RANBP2: variants seen among roughly 807,000 people sequenced by gnomAD.
The protein encoded by RANBP2 is RAN binding protein 2, also known as E3 SUMO-protein ligase RanBP2.
A neutral mutation model predicts 303.6 loss-of-function variants in RANBP2; 57 were observed. The observed-to-expected ratio is 0.19, with a 90% CI of 0.15 to 0.23. RANBP2 has a LOEUF of 0.23. RANBP2 is among the 10% of genes least tolerant of loss of function. The pLI is 1.00. For missense variants in RANBP2, 3,138 were observed against 3,780.8 expected (o/e 0.83, Z 4.46); for synonymous variants, 1,167 against 1,301.5 (o/e 0.90, Z 2.23).
At chr2:109,603,074 A>C in the RANBP2 span, among the ~76,000 whole-genome samples, 10 of 151,792 alleles carry the variant, frequency 6.6e-5, no homozygotes, top group African/African-American at 2.4e-4. Context: ...CTGTCTCAAA[A>C]ACAAAACAAA....
chr2:109,612,897 G>A, the RANBP2 span, among the ~76,000 whole-genome samples: 1 of 152,214 alleles, frequency 6.6e-6, no homozygotes, highest in Non-Finnish European at 1.5e-5. Context: ...TAATCTCTCA[G>A]CCTGCAATCT....
the RANBP2 span, among the ~76,000 whole-genome samples, chr2:108,872,973 C>T: frequency 0.14 from 21,643 of 151,984 alleles, 2,642 homozygotes; most frequent in African/African-American, 0.33. Context: ...GAATCTTTTC[C>T]CTTTTTGCTT....
chr2:108,911,594 C>T, the RANBP2 span, among the ~76,000 whole-genome samples: 4 of 152,350 alleles, frequency 2.6e-5, no homozygotes, highest in Non-Finnish European at 1.5e-5. Flanking sequence ...TCCACCTGCA[C>T]TGCCGCCTCC....
the RANBP2 span, among the ~76,000 whole-genome samples, chr2:109,729,565 G>A: frequency 4.6e-5 from 7 of 152,194 alleles, no homozygotes; most frequent in South Asian, 2.1e-4. Context: ...CAGAAAAATC[G>A]CTTGAACCTG....
chr2:109,686,471 T>C, the RANBP2 span, among the ~76,000 whole-genome samples: 1 of 152,148 alleles, frequency 6.6e-6, no homozygotes, highest in Non-Finnish European at 1.5e-5. Flanking sequence ...CCCGCCACCA[T>C]GCCAGGCTAA....
chr2:109,452,495 G>A, the RANBP2 span, among the ~76,000 whole-genome samples: 43 of 152,258 alleles, frequency 2.8e-4, no homozygotes, highest in Middle Eastern at 3.4e-3. Flanking sequence ...GTTTCCTAGC[G>A]CTAGTGCTGC....
the RANBP2 span, among the ~76,000 whole-genome samples, chr2:108,981,002 G>A: frequency 1.3e-5 from 2 of 152,156 alleles, no homozygotes; most frequent in Non-Finnish European, 2.9e-5. Flanking sequence ...GCCAGGCAGA[G>A]GTTGAGCTGA....
chr2:109,439,759 C>T, the RANBP2 span, among the ~76,000 whole-genome samples: 1 of 152,070 alleles, frequency 6.6e-6, no homozygotes, highest in East Asian at 1.9e-4. Flanking sequence ...GAGCTAGATA[C>T]AGGCAAGGCA....
At chr2:109,659,813 C>A in the RANBP2 span, among the ~76,000 whole-genome samples, 1 of 152,336 alleles carries the variant, frequency 6.6e-6, no homozygotes, top group Non-Finnish European at 1.5e-5. Flanking sequence ...AGCAGCAAAG[C>A]AAATCTCCAG....
the RANBP2 span, among the ~76,000 whole-genome samples, chr2:109,069,256 T>A: frequency 0.23 from 35,771 of 152,220 alleles, 4,768 homozygotes; most frequent in Middle Eastern, 0.33. Context: ...AGTAGACTTC[T>A]AGCCATTCTC....
At chr2:108,814,900 T>G in the RANBP2 span, among the ~76,000 whole-genome samples, 2 of 152,048 alleles carry the variant, frequency 1.3e-5, no homozygotes, top group African/African-American at 4.8e-5. Flanking sequence ...CCTCCCAAAG[T>G]GCTGGGATTA....
chr2:109,449,159 C>G, the RANBP2 span: 1 of 1,611,946 alleles, frequency 6.2e-7, no homozygotes, highest in Non-Finnish European at 8.5e-7. Context: ...TCTCTCCAAC[C>G]CCGTCTCCAG....
chr2:109,714,669 TG>T, the RANBP2 span, among the ~76,000 whole-genome samples: 1 of 151,278 alleles, frequency 6.6e-6, no homozygotes, highest in Non-Finnish European at 1.5e-5. Flanking sequence ...TGGAGTGCAG[TG>T]GTGCCATTGG....
chr2:109,597,915 T>G, the RANBP2 span, among the ~76,000 whole-genome samples: 2 of 152,150 alleles, frequency 1.3e-5, no homozygotes. Flanking sequence ...ACAGATAAAC[T>G]TCTGATGCTT....
chr2:109,373,037 T>C, the RANBP2 span, among the ~76,000 whole-genome samples: 1 of 152,320 alleles, frequency 6.6e-6, no homozygotes, highest in African/African-American at 2.4e-5. Flanking sequence ...TCCTCAAATA[T>C]TCGGGACCAG....
At chr2:109,125,198 C>G in the RANBP2 span, among the ~76,000 whole-genome samples, 1 of 152,100 alleles carries the variant, frequency 6.6e-6, no homozygotes, top group Non-Finnish European at 1.5e-5. Context: ...GCTGAACTCT[C>G]GGTGCTTCCT....
the RANBP2 span, chr2:108,804,976 T>C: frequency 6.4e-7 from 1 of 1,560,970 alleles, no homozygotes; most frequent in Non-Finnish European, 8.6e-7. Context: ...TTTTGATGCA[T>C]TGAAAGAATT....
At chr2:109,548,461 C>T in the RANBP2 span, among the ~76,000 whole-genome samples, 5 of 152,094 alleles carry the variant, frequency 3.3e-5, no homozygotes, top group Admixed American at 6.5e-5. Flanking sequence ...GAGGTTTACA[C>T]GCATGAGCCA....
chr2:109,182,052 G>C, the RANBP2 span, among the ~76,000 whole-genome samples: 4 of 152,286 alleles, frequency 2.6e-5, no homozygotes, highest in East Asian at 7.7e-4. Flanking sequence ...ACATATGTAT[G>C]CCGTAAACCT....
Sources: gnomAD v4.1 joint callset for allele counts (sites outside exome capture counted in the v4.1 genomes callset) on GRCh38, gnomAD v4.1.1 for gene constraint, MANE v1.5 for transcripts, NCBI Gene and HGNC (gene_info 2026-07-23, HGNC 2026-07-21) for gene names.